SLC4A8: variants seen among roughly 807,000 people sequenced by gnomAD.
SLC4A8 encodes the protein solute carrier family 4 member 8.
SLC4A8 carries 40 observed loss-of-function variants against 125.0 expected under a neutral mutation model. The ratio of observed to expected loss-of-function variants is 0.32; its 90% CI spans 0.25 to 0.42. SLC4A8 has a LOEUF of 0.42. Ranked by LOEUF, SLC4A8 falls within the 10% of genes least tolerant of loss-of-function variation. The probability of loss-of-function intolerance (pLI) is 1.00; values close to 1 mark genes in which losing one functional copy is unlikely to be tolerated. For missense variants in SLC4A8, 863 were observed against 1,355.1 expected (o/e 0.64, Z 5.70); for synonymous variants, 456 against 476.0 (o/e 0.96, Z 0.55).
At chr12:51,427,100 G>A (rs1408767161) in intron 1 of SLC4A8, among the ~76,000 whole-genome samples, 1 of 151,750 alleles carries the variant, frequency 6.6e-6, no homozygotes, top group Admixed American at 6.6e-5. Context: ...CACCACGCCC[G>A]GCTAATTTTT....
intron 1 of SLC4A8, among the ~76,000 whole-genome samples, chr12:51,429,892 C>T (rs1315083259): frequency 6.6e-6 from 1 of 151,676 alleles, no homozygotes; most frequent in Non-Finnish European, 1.5e-5. Context: ...AGGAAAGCCC[C>T]TACTTTGGAT....
At chr12:51,456,193 AGAT>A (rs1950146236) in intron 5 of SLC4A8, among the ~76,000 whole-genome samples, 1 of 68,046 alleles carries the variant, frequency 1.5e-5, no homozygotes, top group South Asian at 4.1e-4. Flanking sequence ...AGGAGGTGAT[AGAT>A]AGAGGGAGAC....
intron 1 of SLC4A8, among the ~76,000 whole-genome samples, chr12:51,440,111 G>A (rs756642475): frequency 9.9e-5 from 15 of 152,160 alleles, no homozygotes; most frequent in African/African-American, 2.2e-4. Flanking sequence ...CAAGGACAGC[G>A]TGTGGTAAAC....
At chr12:51,454,235 T>C (rs1164385831) in intron 5 of SLC4A8, among the ~76,000 whole-genome samples, 1 of 152,164 alleles carries the variant, frequency 6.6e-6, no homozygotes, top group Non-Finnish European at 1.5e-5. Context: ...AGGTCAAGGC[T>C]GCGGTGAGTC....
chr12:51,476,286 A>T (rs1368890280), intron 16 of SLC4A8, among the ~76,000 whole-genome samples: 1 of 152,166 alleles, frequency 6.6e-6, no homozygotes, highest in Non-Finnish European at 1.5e-5. Flanking sequence ...GTTTGATACC[A>T]GCCTGGCCAA....
chr12:51,459,397 C>T (rs970753802), intron 7 of SLC4A8, among the ~76,000 whole-genome samples: 7 of 152,006 alleles, frequency 4.6e-5, no homozygotes, highest in Non-Finnish European at 8.8e-5. Flanking sequence ...ACCTTAAAAG[C>T]TCTGTGGTCC....
chr12:51,443,527 C>T (rs1949667630), intron 2 of SLC4A8, among the ~76,000 whole-genome samples: 1 of 152,072 alleles, frequency 6.6e-6, no homozygotes, highest in Non-Finnish European at 1.5e-5. Context: ...TTCCCAGTCC[C>T]AGAGGAACAA....
chr12:51,498,495 A>C, intron 22 of SLC4A8, among the ~76,000 whole-genome samples: 1 of 152,068 alleles, frequency 6.6e-6, no homozygotes, highest in Non-Finnish European at 1.5e-5. Context: ...CAAGGAGAAT[A>C]CTTTTTTACT....
In SLC4A8 at chr12:51,514,293, T is replaced by C. The variant is rs1353066841; in HGVS notation, c.*6855T>C. On this transcript the variant is annotated 3_prime_UTR_variant, in exon 25 of 25. Coordinates refer to ENST00000453097, the MANE Select transcript of SLC4A8 (RefSeq NM_001039960.3). ...CACTGAACCTCTCAGCTCTTTTGAC[T>C]TTCTTCTGGTCATAGGTGTTGGGCC... 1 of 152,672 alleles carries C rather than the reference T, an allele frequency of 6.5e-6. No homozygotes were observed. The highest frequency in any genetic ancestry group is 2.4e-5 in the African/African-American group (1 of 41,446). 9.5% of individuals were successfully genotyped at this position (152,672 alleles called of 1,614,324 possible). A position where few individuals can be genotyped will look rare whatever the true frequency, so the allele number is the denominator to read the frequency against.
At chr12:51,427,554 G>C (rs988101259) in intron 1 of SLC4A8, among the ~76,000 whole-genome samples, 1 of 152,146 alleles carries the variant, frequency 6.6e-6, no homozygotes, top group African/African-American at 2.4e-5. Flanking sequence ...GGAAATTTGA[G>C]AGATAGGGAG....
intron 22 of SLC4A8, among the ~76,000 whole-genome samples, chr12:51,502,838 T>C (rs1427241104): frequency 2.1e-5 from 2 of 96,624 alleles, no homozygotes; most frequent in Non-Finnish European, 3.8e-5. Flanking sequence ...GCCCGACTAA[T>C]TTTTTTTTTT....
intron 22 of SLC4A8, among the ~76,000 whole-genome samples, chr12:51,503,309 C>G (rs1348755732): frequency 6.6e-6 from 1 of 151,426 alleles, no homozygotes; most frequent in Non-Finnish European, 1.5e-5. Context: ...ATTGCAACCT[C>G]CGACTCCCGG....
At position 51,514,751 on chromosome 12, in the gene SLC4A8, G is replaced by C. The variant is rs1208575250; in HGVS notation, c.*7313G>C. 1 of 152,194 alleles carries C rather than the reference G, an allele frequency of 6.6e-6. No individual in the cohort carries two copies. Among genetic ancestry groups the C allele is most frequent in the Non-Finnish European group, 1.5e-5 (1 of 68,046 alleles). The allele number at this position is 152,194 out of a possible 1,614,324, so 9.4% of individuals were successfully genotyped here. On this transcript the variant is annotated 3_prime_UTR_variant, in exon 25 of 25. Transcript: ENST00000453097. The stretch of plus-strand genomic sequence containing the variant: ...TAATATTAATTATAGAGAATGGGCA[G>C]TTGAGTCAGTTAACATCTTTTCATC...
Position 51,463,704 on chromosome 12 carries a change from C to T in SLC4A8, c.1339C>T (p.Arg447Cys), listed in dbSNP as rs370148012. 1.7e-5 allele frequency: 27 copies of T among 1,611,622 alleles called. No individual in the cohort carries two copies. The highest frequency in any genetic ancestry group is 1.6e-4 in the Middle Eastern group (1 of 6,078). Residue 447 changes from arginine (R) to cysteine (C), a missense_variant, in exon 11 of 25, where the codon CGC becomes TGC. This residue lies in a region of SLC4A8 where 390 missense variants were observed against 634.4 expected (regional missense o/e 0.61). Transcript: ENST00000453097. ...GGGTCACAGTGGGCCAGAACTTCAG[C>T]GCACTGGGCGGTAAGTCCTGGGACG... ...HGGHSGPELQ[R>C]TGRLFGGLVL...
intron 5 of SLC4A8, among the ~76,000 whole-genome samples, chr12:51,456,725 A>G (rs1042842472): frequency 3.9e-5 from 6 of 152,222 alleles, no homozygotes; most frequent in East Asian, 3.8e-4. Context: ...GATAACTGCT[A>G]TGTTTACTGC....
At chr12:51,467,926 A>G (rs1160021697) in intron 11 of SLC4A8, among the ~76,000 whole-genome samples, 2 of 152,176 alleles carry the variant, frequency 1.3e-5, no homozygotes, top group Non-Finnish European at 2.9e-5. Flanking sequence ...CATTCTTTAC[A>G]TTGTCTAATG....
chr12:51,433,884 G>GTTTTTTTTTTTTTTTTT (rs1565772495), intron 1 of SLC4A8, among the ~76,000 whole-genome samples: 2 of 72,204 alleles, frequency 2.8e-5, no homozygotes. Flanking sequence ...TTTTTGGTTG[G>GTTTTTTTTTTTTTTTTT]TTTTTTTTTG....
intron 14 of SLC4A8, among the ~76,000 whole-genome samples, chr12:51,473,541 T>C (rs1189006569): frequency 6.6e-6 from 1 of 152,260 alleles, no homozygotes; most frequent in East Asian, 1.9e-4. Flanking sequence ...CGAGAGCTTT[T>C]TGAATTTTAA....
intron 19 of SLC4A8, among the ~76,000 whole-genome samples, chr12:51,491,822 C>CA (rs755608764): frequency 5.9e-5 from 9 of 151,968 alleles, no homozygotes; most frequent in African/African-American, 1.2e-4. Context: ...TCCACAATCT[C>CA]AAAAATCTTC....
Sources: gnomAD v4.1 joint callset for allele counts (sites outside exome capture counted in the v4.1 genomes callset) on GRCh38, gnomAD v4.1.1 for gene constraint, gnomAD v4.1.1 regional missense constraint, MANE v1.5 for transcripts, NCBI Gene and HGNC (gene_info 2026-07-23, HGNC 2026-07-21) for gene names.